Variants in NRDE2 observed in about 807,000 individuals in gnomAD.
NRDE2 encodes nuclear exosome regulator NRDE2.
NRDE2 carries 76 observed loss-of-function variants against 124.2 expected under a neutral mutation model. The ratio of observed to expected loss-of-function variants is 0.61; its 90% CI spans 0.51 to 0.74. NRDE2 has a LOEUF of 0.74. Among genes scored for constraint, NRDE2 ranks in the 30% least tolerant of loss-of-function variants. NRDE2 has a pLI of 0.00. For missense variants in NRDE2, 1,314 were observed against 1,417.3 expected (o/e 0.93, Z 1.17); for synonymous variants, 489 against 528.1 (o/e 0.93, Z 1.01).
intron 8 of NRDE2, among the ~76,000 whole-genome samples, chr14:90,297,547 T>A (rs917503821): frequency 1.3e-5 from 2 of 152,182 alleles, no homozygotes; most frequent in East Asian, 1.9e-4. Flanking sequence ...TAGGTAATAA[T>A]TACTTTATAA....
chr14:90,315,614 C>T (rs190337318), intron 3 of NRDE2, among the ~76,000 whole-genome samples: 40 of 152,256 alleles, frequency 2.6e-4, no homozygotes, highest in Admixed American at 2.2e-3. Context: ...CTGTATTGAG[C>T]ACCTATGCTG....
chr14:90,317,862 A>T (rs1414993576), intron 2 of NRDE2, 143 bp downstream of exon 2: 1 of 576,946 alleles, frequency 1.7e-6, no homozygotes, highest in African/African-American at 1.9e-5. Context: ...GAGGTAAGGG[A>T]AAATAGTCAA....
At chr14:90,318,814 A>G (rs188664430) in intron 1 of NRDE2, among the ~76,000 whole-genome samples, 1 of 152,266 alleles carries the variant, frequency 6.6e-6, no homozygotes, top group East Asian at 1.9e-4. Context: ...AAACAAAACA[A>G]AACAAAAGCA....
chr14:90,290,287 C>A lies in NRDE2; in HGVS notation c.2163G>T (p.Met721Ile), dbSNP rs1447456724. 7 of 1,614,082 alleles carry A rather than the reference C, an allele frequency of 4.3e-6. No individual in the cohort carries two copies. The highest frequency in any genetic ancestry group is 5.9e-6 in the Non-Finnish European group (7 of 1,180,034). The change falls in exon 10 of 14, where the codon ATG becomes ATT. Residue 721 changes from methionine to isoleucine, a missense_variant. Transcript: ENST00000354366. ...ACTTCTCTTTGCCTGAAAATAAAGG[C>A]ATGACAAGGTGGAAGACATTGCGGA... Reference protein sequence around the residue: ...EFIRNVFHLVMPLFSGKEKSQ... With the variant: ...EFIRNVFHLVIPLFSGKEKSQ...
intron 1 of NRDE2, among the ~76,000 whole-genome samples, chr14:90,324,053 G>A (rs886863205): frequency 5.3e-4 from 81 of 152,250 alleles, no homozygotes; most frequent in African/African-American, 1.9e-3. Flanking sequence ...ATGACAGCAC[G>A]CTCTCTAATT....
rs560299965 is a variant in NRDE2 at position 90,285,053 on chromosome 14, C to T, written c.3297+1301G>A. Among the ~76,000 whole-genome samples the T allele has an allele frequency of 1.5e-4, 23 of 152,016 alleles. No individual in the cohort carries two copies. The East Asian group carries it at 3.8e-3, about 25-fold the overall frequency. ...CAGCACTTTCAGAGGATGAGACAGGCGGATCACTTGAGGTCAGGATTTCGA... is the reference window on the plus strand; with the variant it reads ...CAGCACTTTCAGAGGATGAGACAGGTGGATCACTTGAGGTCAGGATTTCGA... On this transcript the variant is annotated intron_variant, in intron 12 of 13. Transcript: ENST00000354366.
At chr14:90,314,062 G>A (rs1261546984) in intron 3 of NRDE2, among the ~76,000 whole-genome samples, 1 of 152,202 alleles carries the variant, frequency 6.6e-6, no homozygotes, top group Non-Finnish European at 1.5e-5. Flanking sequence ...GAGTCAACAG[G>A]CCCTTTCCTC....
chr14:90,331,891 G>A lies in NRDE2; in HGVS notation c.14C>T (p.Pro5Leu). The A allele has an allele frequency of 1.9e-6, 3 of 1,614,118 alleles. No individual in the cohort carries two copies. The highest frequency in any genetic ancestry group is 2.5e-6 in the Non-Finnish European group (3 of 1,180,046). Residue 5 changes from proline (P) to leucine (L), a missense_variant, in exon 1 of 14, where the codon CCA becomes CTA. Pro to Leu is a moderately conservative substitution (Grantham distance 98, BLOSUM62 -3). Transcript: ENST00000354366. MALF[P>L]AFAGLSEAPD... The stretch of plus-strand genomic sequence containing the variant: ...AGCCTCACTAAGCCCCGCAAAGGCT[G>A]GGAACAGCGCCATGACCACAGGCCG...
intron 2 of NRDE2, 75 bp downstream of exon 2, chr14:90,317,930 A>G: frequency 9.8e-7 from 1 of 1,024,188 alleles, no homozygotes; most frequent in South Asian, 1.5e-5. Flanking sequence ...AGAGTTTTCT[A>G]AGGAGCTTCA....
At chr14:90,312,620 A>G (rs1175781254) in intron 3 of NRDE2, 77 bp from the exon 4 acceptor site, 3 of 1,444,162 alleles carry the variant, frequency 2.1e-6, no homozygotes, top group Non-Finnish European at 2.9e-6. Flanking sequence ...ATTTTCAGCA[A>G]TATGAGAGTT....
chr14:90,272,586 A>C lies in NRDE2; in HGVS notation c.*5750T>G. 2 of 535,966 alleles carry C rather than the reference A, an allele frequency of 3.7e-6. No homozygotes were observed. Among genetic ancestry groups the C allele is most frequent in the Non-Finnish European group, 6.8e-6 (2 of 296,282 alleles). The allele number at this position is 535,966 out of a possible 1,614,324, so 33.2% of individuals were successfully genotyped here. On this transcript the variant is annotated 3_prime_UTR_variant, in exon 14 of 14. Transcript: ENST00000354366. The surrounding 1 kb of genome is among the most constrained non-coding windows in gnomAD (Gnocchi z 4.5). Reference sequence around the variant, plus strand: ...TTGGGTGGCCTGTTGGTCACTGTGCAGCAGTCTGCTTCCCAATAAAGCGTG... The same window carrying C: ...TTGGGTGGCCTGTTGGTCACTGTGCCGCAGTCTGCTTCCCAATAAAGCGTG...
In NRDE2 at chr14:90,290,265, T is replaced by G. The variant is rs144317062; in HGVS notation, c.2185A>C (p.Lys729Gln). The G allele has an allele frequency of 1.0e-3, 1,635 of 1,614,010 alleles. 4 individuals are homozygous for G. Among genetic ancestry groups the G allele is most frequent in the Non-Finnish European group, 1.2e-3 (1,426 of 1,180,004 alleles). ...LVMPLFSGKE[K>Q]SQLCFSWLQY... ...AACCAGGAGAAGCAGAGCTGGGACT[T>G]CTCTTTGCCTGAAAATAAAGGCATG... is the stretch of plus-strand genomic sequence containing the variant. The change falls in exon 10 of 14, where the codon AAG becomes CAG. Residue 729 changes from lysine (K) to glutamine (Q), a missense_variant. By Grantham distance (53) the Lys-to-Gln change is moderately conservative. Transcript: ENST00000354366.
Position 90,280,148 on chromosome 14 carries a change from G to A in NRDE2, c.3298-1015C>T, listed in dbSNP as rs556813069. 86 of 150,786 alleles carry A rather than the reference G, an allele frequency of 5.7e-4. 1 individual carries two copies. Among genetic ancestry groups the A allele is most frequent in the African/African-American group, 2.0e-3 (84 of 41,028 alleles). The allele number at this position is 150,786 out of a possible 1,614,324, so 9.3% of individuals were successfully genotyped here. On this transcript the variant is annotated intron_variant, in intron 12 of 13. Transcript: ENST00000354366. ...TTTGGTTTTTTTTTTCACTGTCTAT[G>A]TTGCCCAGGCTGGCCTTGAACTTCT... is the stretch of plus-strand genomic sequence containing the variant.
chr14:90,290,156 C>T, intron 10 of NRDE2, 65 bp downstream of exon 10: 1 of 1,540,834 alleles, frequency 6.5e-7, no homozygotes, highest in Non-Finnish European at 8.8e-7. Flanking sequence ...GGCTTACAAT[C>T]CCGTTTATAA....
chr14:90,302,765 T>C lies in NRDE2; in HGVS notation c.1366A>G (p.Ile456Val), dbSNP rs746785589. 6.2e-7 allele frequency: 1 copy of C among 1,613,950 alleles called. No individual in the cohort carries two copies. The highest frequency in any genetic ancestry group is 8.5e-7 in the Non-Finnish European group (1 of 1,179,888). ...STLSAVKDGS[I>V]LSHPALPGTE... is the part of the protein sequence containing the mutation. ...CCAGGCAACGCAGGGTGAGATAAGA[T>C]GCTGCCGTCCTTAACAGCAGACAAA... is the stretch of plus-strand genomic sequence containing the variant. The change falls in exon 6 of 14, where the codon ATC becomes GTC. Residue 456 changes from isoleucine (I) to valine (V), a missense_variant. Physicochemically the swap from Ile to Val is conservative, Grantham distance 29. Coordinates refer to ENST00000354366, the MANE Select transcript of NRDE2 (RefSeq NM_017970.4).
In NRDE2 at chr14:90,316,511, C is replaced by T. The variant is rs186306011; in HGVS notation, c.407+67G>A. Reference sequence around the variant, plus strand: ...AATGGTTATTCAAATATCTAATTTGCGGCAACAATTAAGGGAGAAAAACTC... The same window carrying T: ...AATGGTTATTCAAATATCTAATTTGTGGCAACAATTAAGGGAGAAAAACTC... On this transcript the variant is annotated intron_variant, in intron 3 of 13. Transcript: ENST00000354366. 4,694 of 1,081,084 alleles carry T rather than the reference C, an allele frequency of 4.3e-3. 26 individuals carry two copies. Among genetic ancestry groups the T allele is most frequent in the South Asian group, 6.1e-3 (438 of 72,054 alleles). 67.0% of individuals were successfully genotyped at this position (1,081,084 alleles called of 1,614,324 possible). A position where few individuals can be genotyped will look rare whatever the true frequency, so the allele number is the denominator to read the frequency against.
intron 7 of NRDE2, among the ~76,000 whole-genome samples, chr14:90,299,809 A>G (rs2139686079): frequency 6.6e-6 from 1 of 152,344 alleles, no homozygotes; most frequent in South Asian, 2.1e-4. Context: ...CTTAAGAAAA[A>G]AAATTTTTTT....
chr14:90,304,421 C>G (rs192091437), intron 4 of NRDE2, 39 bp from the exon 5 acceptor site: 2 of 1,464,366 alleles, frequency 1.4e-6, no homozygotes, highest in Non-Finnish European at 1.8e-6. Flanking sequence ...TGAGGGAATA[C>G]GTGTACTACC....
chr14:90,304,416 G>T, intron 4 of NRDE2, 34 bp from the exon 5 acceptor site: 3 of 1,476,666 alleles, frequency 2.0e-6, no homozygotes, highest in Non-Finnish European at 2.8e-6. Context: ...GTTACTGAGG[G>T]AATACGTGTA....
Sources: allele counts gnomAD v4.1 joint callset (sites outside exome capture counted in the v4.1 genomes callset), GRCh38; gene constraint gnomAD v4.1.1; non-coding constraint Gnocchi (gnomAD v3.1); transcripts MANE v1.5; gene names NCBI Gene and HGNC (gene_info 2026-07-23, HGNC 2026-07-21).